LRRC49: variants seen among roughly 807,000 people sequenced by gnomAD.
LRRC49 encodes leucine-rich repeat-containing protein 49.
Under a neutral mutation model 83.3 loss-of-function variants are expected in LRRC49, and 50 were observed. That is an observed-to-expected ratio of 0.60 (90% CI 0.48 to 0.76). The LOEUF (loss-of-function observed/expected upper bound fraction) is 0.76, where lower values mean the gene tolerates loss of function less well. Among genes scored for constraint, LRRC49 ranks in the 30% least tolerant of loss-of-function variants. The pLI is 0.00. For missense variants in LRRC49, 704 were observed against 809.1 expected (o/e 0.87, Z 1.58); for synonymous variants, 286 against 283.3 (o/e 1.01, Z -0.10).
chr15:70,932,726 C>CTTTTTTTTTTTTTTTTTTTTTTTTTT (rs5813614), intron 7 of LRRC49, among the ~76,000 whole-genome samples: 2 of 97,200 alleles, frequency 2.1e-5, no homozygotes, highest in Non-Finnish European at 4.1e-5. Flanking sequence ...CTTTCTCTGT[C>CTTTTTTTTTTTTTTTTTTTTTTTTTT]TTTTTTTTTT....
chr15:70,873,163 G>A (rs1476989218), exon 2 of LRRC49: 13 of 1,527,116 alleles, frequency 8.5e-6, no homozygotes, highest in East Asian at 2.4e-5. Flanking sequence ...GGGATTACAG[G>A]AGTGAGCCAC....
intron 1 of LRRC49, among the ~76,000 whole-genome samples, chr15:70,861,792 G>T (rs901571131): frequency 1.3e-5 from 2 of 152,196 alleles, no homozygotes; most frequent in Non-Finnish European, 2.9e-5. Context: ...GGGCATGGTG[G>T]TGTGCGCCTG....
At chr15:70,892,650 T>C, upstream of LRRC49, 1 of 1,445,996 alleles carries the variant, frequency 6.9e-7, no homozygotes, top group Non-Finnish European at 9.1e-7. Flanking sequence ...TCCCGCTCTG[T>C]TTTTATGAGG....
intron 1 of LRRC49, chr15:70,860,090 G>C (rs956764826): frequency 5.5e-6 from 4 of 722,858 alleles, no homozygotes; most frequent in African/African-American, 5.2e-5. Flanking sequence ...CTCCACCAGG[G>C]CTGTGGTTGA....
At chr15:70,923,528 C>A (rs969488193) in intron 7 of LRRC49, among the ~76,000 whole-genome samples, 2 of 151,852 alleles carry the variant, frequency 1.3e-5, no homozygotes, top group Non-Finnish European at 2.9e-5. Context: ...AGGCATTGTT[C>A]TAGGTAGTTG....
intron 2 of LRRC49, chr15:70,894,700 C>A: frequency 1.0e-6 from 1 of 994,296 alleles, no homozygotes; most frequent in Non-Finnish European, 1.4e-6. Context: ...AAATAGGCGT[C>A]ACTGGAAGAA....
chr15:70,898,613 T>G (rs1274281891), intron 3 of LRRC49, among the ~76,000 whole-genome samples: 2 of 152,120 alleles, frequency 1.3e-5, no homozygotes, highest in East Asian at 3.9e-4. Context: ...TGAAACCCCA[T>G]CTGTAAAAAA....
At chr15:70,862,650 G>A (rs2032821620) in intron 1 of LRRC49, among the ~76,000 whole-genome samples, 1 of 149,696 alleles carries the variant, frequency 6.7e-6, no homozygotes, top group African/African-American at 2.5e-5. Flanking sequence ...TAGACATTAA[G>A]CATCAGGCAT....
At chr15:70,941,714 G>A (rs946173700) in intron 8 of LRRC49, among the ~76,000 whole-genome samples, 1 of 151,940 alleles carries the variant, frequency 6.6e-6, no homozygotes, top group Non-Finnish European at 1.5e-5. Context: ...ACCATTTAAA[G>A]CATTAATGCT....
intron 15 of LRRC49, among the ~76,000 whole-genome samples, chr15:71,039,547 C>A (rs1456198067): frequency 6.6e-6 from 1 of 152,178 alleles, no homozygotes; most frequent in Non-Finnish European, 1.5e-5. Flanking sequence ...TGCACATCCT[C>A]CCATATACTT....
At chr15:70,998,923 A>G (rs1216026674) in intron 11 of LRRC49, among the ~76,000 whole-genome samples, 4 of 152,102 alleles carry the variant, frequency 2.6e-5, no homozygotes, top group African/African-American at 9.7e-5. Flanking sequence ...TAATTGACCT[A>G]TCTAAGTTTA....
At chr15:70,875,555 C>T (rs1467543327) in intron 2 of LRRC49, among the ~76,000 whole-genome samples, 1 of 152,154 alleles carries the variant, frequency 6.6e-6, no homozygotes, top group Non-Finnish European at 1.5e-5. Flanking sequence ...GAATGGAAGC[C>T]TAGGTAGTGT....
In LRRC49 at chr15:71,049,619, C is replaced by A. The variant is rs1350253252; in HGVS notation, c.*7C>A. The A allele has an allele frequency of 1.3e-6, 2 of 1,591,400 alleles. No individual in the cohort carries two copies. Among genetic ancestry groups the A allele is most frequent in the Admixed American group, 1.8e-5 (1 of 55,648 alleles). ...GATAACAGACCAAAAATAAAAATGG[C>A]CTTTAGTTACAGTTGATTTTGGCAG... On this transcript the variant is annotated 3_prime_UTR_variant, in exon 16 of 16. Coordinates refer to ENST00000260382, the MANE Select transcript of LRRC49 (RefSeq NM_017691.5).
chr15:70,854,119 C>G, intron 1 of LRRC49: 1 of 1,233,644 alleles, frequency 8.1e-7, no homozygotes. Flanking sequence ...CGCCGGGGTC[C>G]TCACGCCGCA....
chr15:70,990,404 C>T (rs2037822379), intron 11 of LRRC49, among the ~76,000 whole-genome samples: 1 of 152,160 alleles, frequency 6.6e-6, no homozygotes, highest in Non-Finnish European at 1.5e-5. Flanking sequence ...TGCTAGCAAT[C>T]AGTGAGACTC....
intron 6 of LRRC49, among the ~76,000 whole-genome samples, chr15:70,916,197 T>C (rs1015984643): frequency 1.3e-5 from 2 of 152,176 alleles, no homozygotes; most frequent in African/African-American, 2.4e-5. Context: ...TTAACATCAC[T>C]TTGAGCTCTC....
chr15:71,031,667 C>A (rs768618693), intron 14 of LRRC49, among the ~76,000 whole-genome samples: 6 of 152,194 alleles, frequency 3.9e-5, no homozygotes, highest in African/African-American at 7.2e-5. Flanking sequence ...TGTCTGTAAG[C>A]CCCTGAATGG....
intron 7 of LRRC49, among the ~76,000 whole-genome samples, chr15:70,932,972 C>T (rs1161861133): frequency 1.3e-5 from 2 of 152,010 alleles, no homozygotes; most frequent in Admixed American, 1.3e-4. Flanking sequence ...TCAAATGATG[C>T]ACCCACCTCA....
chr15:70,982,794 T>A (rs1324174929), intron 10 of LRRC49, among the ~76,000 whole-genome samples: 1 of 152,194 alleles, frequency 6.6e-6, no homozygotes, highest in Non-Finnish European at 1.5e-5. Flanking sequence ...AAAACATGTT[T>A]AAAACAGAAA....
Sources: allele counts gnomAD v4.1 joint callset (sites outside exome capture counted in the v4.1 genomes callset), GRCh38; gene constraint gnomAD v4.1.1; transcripts MANE v1.5; gene names NCBI Gene and HGNC (gene_info 2026-07-23, HGNC 2026-07-21).